The following LRP6 variants were observed in gnomAD, a reference collection of about 807,000 sequenced individuals.
LRP6 encodes low-density lipoprotein receptor-related protein 6.
In LRP6, 43 loss-of-function variants were observed where a neutral mutation model predicts 184.1. That is an observed-to-expected ratio of 0.23 (90% CI 0.18 to 0.30). The LOEUF (loss-of-function observed/expected upper bound fraction) is 0.30, where lower values mean the gene tolerates loss of function less well. Ranked by LOEUF, LRP6 falls within the 10% of genes least tolerant of loss-of-function variation. The pLI is 1.00. For synonymous variants in LRP6, 719 were observed against 684.9 expected (o/e 1.05, Z -0.78); for missense variants, 1,571 against 2,005.3 (o/e 0.78, Z 4.14).
intron 1 of LRP6, among the ~76,000 whole-genome samples, chr12:12,261,565 T>C (rs938851458): frequency 1.3e-5 from 2 of 152,168 alleles, no homozygotes; most frequent in African/African-American, 2.4e-5. Context: ...AAATTAACTA[T>C]ATGAAACTGT....
At chr12:12,136,073 G>T (rs1056179444) in intron 16 of LRP6, among the ~76,000 whole-genome samples, 1 of 152,026 alleles carries the variant, frequency 6.6e-6, no homozygotes, top group Non-Finnish European at 1.5e-5. Context: ...TGTAATCCCA[G>T]CTACTCGGGA....
At chr12:12,184,654 G>C (rs1441816408) in intron 4 of LRP6, among the ~76,000 whole-genome samples, 2 of 152,136 alleles carry the variant, frequency 1.3e-5, no homozygotes, top group Admixed American at 1.3e-4. Context: ...TGGAGGTTAA[G>C]GTTTCTACTG....
intron 2 of LRP6, among the ~76,000 whole-genome samples, chr12:12,243,667 T>C (rs1865116750): frequency 6.6e-6 from 1 of 152,134 alleles, no homozygotes; most frequent in Non-Finnish European, 1.5e-5. Flanking sequence ...ATCCCAGCAC[T>C]TGGGGAGGCC....
chr12:12,126,852 A>G lies in LRP6; in HGVS notation c.4151T>C (p.Ile1384Thr). 1 of 1,614,090 alleles carries G rather than the reference A, an allele frequency of 6.2e-7. No homozygotes were observed. Among genetic ancestry groups the G allele is most frequent in the South Asian group, 1.1e-5 (1 of 91,070 alleles). Residue 1384 changes from isoleucine (I) to threonine (T), a missense_variant, in exon 20 of 23, where the codon ATT becomes ACT. Coordinates refer to ENST00000261349, the MANE Select transcript of LRP6 (RefSeq NM_002336.3). ...VGSVIGVIVT[I>T]FVSGTVYFIC... is the part of the protein sequence containing the mutation. ...AAAGTATACAGTTCCAGACACAAAA[A>G]TGGTGACAATTACGCCAATAACAGA...
chr12:12,219,415 G>C (rs904042494), intron 2 of LRP6, among the ~76,000 whole-genome samples: 4 of 152,112 alleles, frequency 2.6e-5, no homozygotes, highest in African/African-American at 7.2e-5. Context: ...ATGTTGGCCA[G>C]GATGGTATCG....
chr12:12,235,451 C>A (rs963870998), intron 2 of LRP6, among the ~76,000 whole-genome samples: 21 of 152,044 alleles, frequency 1.4e-4, no homozygotes, highest in African/African-American at 4.8e-4. Flanking sequence ...AAAATACAGC[C>A]GGGAGCAGTG....
At chr12:12,147,659 G>T in intron 14 of LRP6, 103 bp from the exon 15 acceptor site, 1 of 988,102 alleles carries the variant, frequency 1.0e-6, no homozygotes, top group Non-Finnish European at 1.6e-6. Flanking sequence ...TTTAAGTATT[G>T]TTTTTAAAAG....
At chr12:12,159,656 A>ATAG in intron 11 of LRP6, 124 bp downstream of exon 11, 1 of 881,884 alleles carries the variant, frequency 1.1e-6, no homozygotes, top group Non-Finnish European at 1.8e-6. Context: ...CAATTCCAGA[A>ATAG]CAGAAGAAGA....
At chr12:12,218,454 G>A (rs182073800) in intron 2 of LRP6, among the ~76,000 whole-genome samples, 1 of 148,212 alleles carries the variant, frequency 6.7e-6, no homozygotes, top group East Asian at 2.0e-4. Flanking sequence ...TCCAGGCTGG[G>A]GAACAGACCA....
At chr12:12,137,124 A>G (rs1949852363) in intron 16 of LRP6, among the ~76,000 whole-genome samples, 1 of 152,200 alleles carries the variant, frequency 6.6e-6, no homozygotes. Flanking sequence ...ACACTTGTAC[A>G]GGGCTACTCC....
At chr12:12,223,408 C>T (rs1179406286) in intron 2 of LRP6, among the ~76,000 whole-genome samples, 2 of 152,174 alleles carry the variant, frequency 1.3e-5, no homozygotes, top group African/African-American at 4.8e-5. Context: ...CCATACCGCA[C>T]ATATTTAAAC....
intron 2 of LRP6, among the ~76,000 whole-genome samples, chr12:12,212,965 T>C (rs1280143049): frequency 6.6e-6 from 1 of 152,200 alleles, no homozygotes; most frequent in African/African-American, 2.4e-5. Flanking sequence ...GCCAAAGAAA[T>C]GTGTCACTGT....
At chr12:12,175,437 C>T (rs1035981668) in intron 7 of LRP6, among the ~76,000 whole-genome samples, 2 of 149,670 alleles carry the variant, frequency 1.3e-5, no homozygotes, top group Non-Finnish European at 3.0e-5. Context: ...TGCCTGTAAT[C>T]CCAGGGCTTT....
chr12:12,171,087 T>C (rs1863025334), intron 7 of LRP6, among the ~76,000 whole-genome samples: 1 of 151,312 alleles, frequency 6.6e-6, no homozygotes, highest in Admixed American at 6.6e-5. Context: ...TAAAACTAGG[T>C]AGTTCATGGT....
chr12:12,163,350 C>T (rs954780799), intron 9 of LRP6, among the ~76,000 whole-genome samples: 2 of 152,154 alleles, frequency 1.3e-5, no homozygotes, highest in African/African-American at 4.8e-5. Context: ...TTCATTTATT[C>T]ACTTAATAAA....
chr12:12,141,213 A>G (rs1216654086), intron 15 of LRP6, among the ~76,000 whole-genome samples: 1 of 152,006 alleles, frequency 6.6e-6, no homozygotes, highest in Non-Finnish European at 1.5e-5. Context: ...GGGAGAGTGG[A>G]GAGAAAGAAA....
At chr12:12,196,598 T>G (rs2137026614) in intron 3 of LRP6, among the ~76,000 whole-genome samples, 1 of 152,254 alleles carries the variant, frequency 6.6e-6, no homozygotes, top group Non-Finnish European at 1.5e-5. Context: ...AATTTTTTTT[T>G]TTTTGGTAGA....
chr12:12,233,388 A>C (rs533838614), intron 2 of LRP6, among the ~76,000 whole-genome samples: 1 of 152,298 alleles, frequency 6.6e-6, no homozygotes, highest in East Asian at 1.9e-4. Context: ...GAATGGCGTG[A>C]ACCCGGGAGG....
At chr12:12,194,866 C>G (rs541785760) in intron 3 of LRP6, among the ~76,000 whole-genome samples, 1 of 152,162 alleles carries the variant, frequency 6.6e-6, no homozygotes, top group East Asian at 1.9e-4. Context: ...CTTATCTCTT[C>G]CTTCCCAGCC....
Sources: gnomAD v4.1 joint callset for allele counts (sites outside exome capture counted in the v4.1 genomes callset) on GRCh38, gnomAD v4.1.1 for gene constraint, MANE v1.5 for transcripts, NCBI Gene and HGNC (gene_info 2026-07-23, HGNC 2026-07-21) for gene names.